The following UBE2K variants were observed in gnomAD, a reference collection of about 807,000 sequenced individuals.
UBE2K encodes the protein ubiquitin conjugating enzyme E2 K.
A neutral mutation model predicts 30.0 loss-of-function variants in UBE2K; 6 were observed. The observed-to-expected ratio is 0.20, with a 90% CI of 0.11 to 0.39. The LOEUF is 0.39. Ranked by LOEUF, UBE2K falls within the 10% of genes least tolerant of loss-of-function variation. The probability of loss-of-function intolerance (pLI) is 1.00; values close to 1 mark genes in which losing one functional copy is unlikely to be tolerated. For missense variants in UBE2K, 61 were observed against 241.6 expected, an observed-to-expected ratio of 0.25 and a Z score of 4.96; for synonymous variants, 86 against 83.7, an observed-to-expected ratio of 1.03 and a Z score of -0.15.
intron 1 of UBE2K, among the ~76,000 whole-genome samples, chr4:39,719,953 T>C (rs1719329878): frequency 6.6e-6 from 1 of 152,160 alleles, no homozygotes; most frequent in African/African-American, 2.4e-5. Flanking sequence ...ATTTTAGGTG[T>C]TTATATTGTT....
intron 1 of UBE2K, among the ~76,000 whole-genome samples, chr4:39,720,394 G>A (rs566265920): frequency 5.5e-4 from 83 of 151,194 alleles, no homozygotes; most frequent in African/African-American, 1.9e-3. Context: ...GACATCATCT[G>A]TGGTTCAATT....
At chr4:39,709,475 G>A (rs534526219) in intron 1 of UBE2K, among the ~76,000 whole-genome samples, 3 of 152,094 alleles carry the variant, frequency 2.0e-5, no homozygotes, top group Admixed American at 6.6e-5. Flanking sequence ...AAATAAGTGA[G>A]TATAGTACAA....
intron 4 of UBE2K, among the ~76,000 whole-genome samples, chr4:39,772,946 C>T (rs2109409410): frequency 6.6e-6 from 1 of 151,806 alleles, no homozygotes; most frequent in Non-Finnish European, 1.5e-5. Flanking sequence ...CCTGGCCTCC[C>T]AAAGTGTTGG....
At chr4:39,723,854 G>T (rs751990650) in intron 1 of UBE2K, among the ~76,000 whole-genome samples, 1 of 151,780 alleles carries the variant, frequency 6.6e-6, no homozygotes, top group Non-Finnish European at 1.5e-5. Context: ...CTCTTGTTGC[G>T]CAGGGTGGAG....
chr4:39,758,822 TAGAG>T (rs1560371584), intron 4 of UBE2K, among the ~76,000 whole-genome samples: 1 of 152,220 alleles, frequency 6.6e-6, no homozygotes, highest in Non-Finnish European at 1.5e-5. Flanking sequence ...TGTGTATATA[TAGAG>T]AGAGAAGTTG....
intron 4 of UBE2K, among the ~76,000 whole-genome samples, chr4:39,757,516 A>G (rs1711571822): frequency 6.6e-6 from 1 of 151,964 alleles, no homozygotes; most frequent in African/African-American, 2.4e-5. Context: ...CCTGTCCCTC[A>G]GTAGATCATC....
At chr4:39,714,724 A>G (rs1282436017) in intron 1 of UBE2K, among the ~76,000 whole-genome samples, 1 of 147,376 alleles carries the variant, frequency 6.8e-6, no homozygotes, top group Non-Finnish European at 1.5e-5. Context: ...ATTTTTTTTT[A>G]TATTTTTAGT....
chr4:39,770,559 A>G (rs201742371), intron 4 of UBE2K: 8 of 1,589,902 alleles, frequency 5.0e-6, no homozygotes, highest in Non-Finnish European at 6.8e-6. Flanking sequence ...TGCTGCTTCC[A>G]CCAGGCCCGA....
intron 1 of UBE2K, chr4:39,714,518 A>ATCTATC (rs1491343777): frequency 2.6e-5 from 1 of 38,540 alleles, no homozygotes; most frequent in African/African-American, 1.6e-4. Flanking sequence ...TAGAAGTTTC[A>ATCTATC]TATATATATA....
chr4:39,733,332 A>ATTTTTT (rs34069872), intron 1 of UBE2K, among the ~76,000 whole-genome samples: 3 of 129,004 alleles, frequency 2.3e-5, no homozygotes, highest in Admixed American at 8.6e-5. Flanking sequence ...TCGGGCTTTA[A>ATTTTTT]TTTTTTTTTT....
chr4:39,757,171 G>A (rs879270191), intron 4 of UBE2K, among the ~76,000 whole-genome samples: 3 of 151,890 alleles, frequency 2.0e-5, no homozygotes, highest in Non-Finnish European at 4.4e-5. Context: ...GACTACAGGC[G>A]TGCGCCATCA....
intron 1 of UBE2K, among the ~76,000 whole-genome samples, chr4:39,703,612 G>T (rs2109302523): frequency 6.6e-6 from 1 of 152,110 alleles, no homozygotes; most frequent in Admixed American, 6.5e-5. Flanking sequence ...ACTTTGGGAG[G>T]CCTAGGCAGG....
At chr4:39,699,297 T>C (rs558480517) in intron 1 of UBE2K, among the ~76,000 whole-genome samples, 6 of 152,324 alleles carry the variant, frequency 3.9e-5, no homozygotes, top group Non-Finnish European at 7.4e-5. Context: ...ATGTCCCTCA[T>C]AGTTAACTTG....
chr4:39,761,881 T>C (rs1429980685), intron 4 of UBE2K, among the ~76,000 whole-genome samples: 1 of 152,002 alleles, frequency 6.6e-6, no homozygotes, highest in Non-Finnish European at 1.5e-5. Flanking sequence ...TTTAAAGTTT[T>C]AGGCCGGTTG....
At chr4:39,749,347 A>G (rs893742240) in intron 3 of UBE2K, among the ~76,000 whole-genome samples, 1 of 152,218 alleles carries the variant, frequency 6.6e-6, no homozygotes, top group Non-Finnish European at 1.5e-5. Context: ...GTAAAAATAT[A>G]GTCCAGTGGT....
chr4:39,725,022 A>G lies in UBE2K; in HGVS notation c.64-12398A>G, dbSNP rs1256807045. ...ATGCAGTTATATATTTTTCTTTTTT[A>G]GTTTTTTAATTCCTTGCAAGTATTG... On this transcript the variant is annotated intron_variant, in intron 1 of 6. Transcript: ENST00000261427. 2.0e-5 allele frequency among the ~76,000 whole-genome samples: 3 copies of G among 151,976 alleles called. No homozygotes were observed. The East Asian group carries it at 5.8e-4, about 29-fold the overall frequency.
chr4:39,709,446 A>C (rs575259294), intron 1 of UBE2K, among the ~76,000 whole-genome samples: 2 of 152,196 alleles, frequency 1.3e-5, no homozygotes, highest in African/African-American at 4.8e-5. Flanking sequence ...TCAGTTACCC[A>C]TTGTCAACCA....
intron 3 of UBE2K, among the ~76,000 whole-genome samples, chr4:39,753,374 T>C (rs1721369400): frequency 6.6e-6 from 1 of 152,192 alleles, no homozygotes; most frequent in Non-Finnish European, 1.5e-5. Flanking sequence ...GAGAAATGTT[T>C]GTTGTACATA....
chr4:39,698,484 GTCC>G (rs1717820391), intron 1 of UBE2K, 94 bp downstream of exon 1: 1 of 1,225,660 alleles, frequency 8.2e-7, no homozygotes. Flanking sequence ...TCCCTGGGTG[GTCC>G]TCCTTGCGGC....
Sources: gnomAD v4.1 joint callset for allele counts (sites outside exome capture counted in the v4.1 genomes callset) on GRCh38, gnomAD v4.1.1 for gene constraint, MANE v1.5 for transcripts, NCBI Gene and HGNC (gene_info 2026-07-23, HGNC 2026-07-21) for gene names.